Variants in NDUFB2 observed in about 807,000 individuals in gnomAD.
NDUFB2 encodes NADH:ubiquinone oxidoreductase subunit B2.
A neutral mutation model predicts 13.4 loss-of-function variants in NDUFB2; 13 were observed. That is an observed-to-expected ratio of 0.97 (90% CI 0.63 to 1.54). The LOEUF (loss-of-function observed/expected upper bound fraction) is 1.54. Among genes scored for constraint, NDUFB2 ranks in the 40% most tolerant of loss-of-function variants. NDUFB2 has a pLI of 0.00. For missense variants in NDUFB2, 150 were observed against 139.7 expected, an observed-to-expected ratio of 1.07 and a Z score of -0.37; for synonymous variants, 47 against 50.6, an observed-to-expected ratio of 0.93 and a Z score of 0.30.
intron 3 of NDUFB2, 27 bp downstream of exon 3, chr7:140,704,990 T>C: frequency 2.4e-6 from 3 of 1,258,772 alleles, no homozygotes; most frequent in South Asian, 1.6e-5. Flanking sequence ...TTTCTTTATG[T>C]CATATTTACC....
At position 140,702,990 on chromosome 7, in the gene NDUFB2, C is replaced by T; in HGVS notation, c.223C>T (p.His75Tyr). 6.2e-7 allele frequency: 1 copy of T among 1,613,700 alleles called. No homozygotes were observed. The highest frequency in any genetic ancestry group is 8.5e-7 in the Non-Finnish European group (1 of 1,179,946). Residue 75 changes from histidine (H) to tyrosine (Y), a missense_variant, in exon 2 of 4, where the codon CAT (histidine) becomes TAT (tyrosine). Transcript: ENST00000247866. ...MWFWILWRFW[H>Y]DSEEVLGHFP... ...GTTCTGGATTCTCTGGCGCTTTTGG[C>T]ATGACTCAGAAGAGGTGCTGGTAAG...
intron 1 of NDUFB2, chr7:140,697,353 C>A: frequency 1.4e-6 from 1 of 702,872 alleles, no homozygotes; most frequent in Non-Finnish European, 2.6e-6. Flanking sequence ...ACTCTGGCTG[C>A]AGGGAGTGGA....
intron 3 of NDUFB2, chr7:140,706,060 TTTATGTTATGTTATG>T (rs71522109): frequency 1.6e-4 from 20 of 125,120 alleles, no homozygotes; most frequent in East Asian, 8.7e-4. Flanking sequence ...TATGTTATGT[TTTATGTTATGTTATG>T]TTATGTTATG....
Position 140,706,018 on chromosome 7 carries a change from A to AG in NDUFB2, c.*30-545_*30-544insG, listed in dbSNP as rs1443879134. On this transcript the variant is annotated intron_variant, in intron 3 of 3. Transcript: ENST00000247866. ...TTTATTTTATATTTTATTTTATTTT[A>AG]TTTTATTTTAGTTTGTTATGTTATG... The AG allele has an allele frequency of 5.6e-3, 767 of 135,994 alleles. 7 individuals are homozygous for AG. The highest frequency in any genetic ancestry group is 0.026 in the African/African-American group (732 of 28,504). The allele number at this position is 135,994 out of a possible 1,614,324, so 8.4% of individuals were successfully genotyped here.
intron 1 of NDUFB2, chr7:140,702,057 A>G (rs1278067863): frequency 2.8e-6 from 2 of 702,464 alleles, no homozygotes; most frequent in Non-Finnish European, 5.2e-6. Flanking sequence ...TCCTACAGGT[A>G]CGAATTTCTG....
chr7:140,697,901 C>A (rs1183216508), intron 1 of NDUFB2, among the ~76,000 whole-genome samples: 3 of 152,106 alleles, frequency 2.0e-5, no homozygotes, highest in African/African-American at 7.2e-5. Context: ...GTGGCGCGAT[C>A]CTAGCTCACT....
chr7:140,699,630 G>A (rs1317464054), intron 1 of NDUFB2, among the ~76,000 whole-genome samples: 3 of 151,898 alleles, frequency 2.0e-5, no homozygotes, highest in Non-Finnish European at 4.4e-5. Context: ...TGGGCCCCAG[G>A]CTGCGTCTCT....
At chr7:140,701,992 C>G in intron 1 of NDUFB2, 1 of 697,682 alleles carries the variant, frequency 1.4e-6, no homozygotes, top group East Asian at 2.7e-5. Flanking sequence ...AACCACTGCC[C>G]TGTTACTGTT....
At chr7:140,698,443 C>T (rs1794850225) in intron 1 of NDUFB2, among the ~76,000 whole-genome samples, 1 of 152,108 alleles carries the variant, frequency 6.6e-6, no homozygotes, top group African/African-American at 2.4e-5. Context: ...AAAAGAAAGA[C>T]CTTTTTTGAG....
intron 1 of NDUFB2, chr7:140,702,489 G>A (rs1216774060): frequency 8.5e-6 from 2 of 236,586 alleles, no homozygotes; most frequent in Non-Finnish European, 1.6e-5. Context: ...GCCTCAAATA[G>A]ATAGCTAAAC....
chr7:140,697,715 A>T (rs1046117538), intron 1 of NDUFB2, among the ~76,000 whole-genome samples: 5 of 152,092 alleles, frequency 3.3e-5, no homozygotes, highest in African/African-American at 1.2e-4. Context: ...TTCAAATCCC[A>T]CCTCTGCCAC....
chr7:140,697,217 C>T (rs1794823299), intron 1 of NDUFB2: 4 of 651,464 alleles, frequency 6.1e-6, no homozygotes, highest in South Asian at 1.7e-5. Context: ...CGGGGGGCGG[C>T]GGCGGTGAGG....
At chr7:140,703,966 A>G (rs1193427849) in intron 2 of NDUFB2, among the ~76,000 whole-genome samples, 2 of 151,946 alleles carry the variant, frequency 1.3e-5, no homozygotes, top group Admixed American at 1.3e-4. Flanking sequence ...CGTGTTAGCC[A>G]GGATGGTCTC....
At chr7:140,697,339 A>G in intron 1 of NDUFB2, 1 of 702,850 alleles carries the variant, frequency 1.4e-6, no homozygotes, top group South Asian at 1.5e-5. Flanking sequence ...AATGCTGAAA[A>G]ATCACTCTGG....
chr7:140,702,309 CACA>C lies in NDUFB2; in HGVS notation c.99-554_99-552del, dbSNP rs1235343630. On this transcript the variant is annotated intron_variant, in intron 1 of 3. Coordinates refer to ENST00000247866, the MANE Select transcript of NDUFB2 (RefSeq NM_004546.3). Reference sequence around the variant, plus strand: ...ACTATAACTCTTATGGACTCTGTGCCACAACTTGTCAAGTGTCTGAATGAAAAG... The same window carrying C: ...ACTATAACTCTTATGGACTCTGTGCCACTTGTCAAGTGTCTGAATGAAAAG... 3.3e-5 allele frequency among the ~76,000 whole-genome samples: 5 copies of C among 152,206 alleles called. No homozygotes were observed. The East Asian group carries it at 9.6e-4, about 29-fold the overall frequency.
At chr7:140,702,212 A>C (rs1227466277) in intron 1 of NDUFB2, among the ~76,000 whole-genome samples, 6 of 152,184 alleles carry the variant, frequency 3.9e-5, no homozygotes, top group African/African-American at 1.4e-4. Flanking sequence ...GGTTTTAGGA[A>C]TAGCCCCAGT....
At chr7:140,705,222 C>T (rs1010488669) in intron 3 of NDUFB2, 1 of 231,066 alleles carries the variant, frequency 4.3e-6, no homozygotes, top group African/African-American at 2.3e-5. Flanking sequence ...TCCTCAGCCT[C>T]CTGAGTAGCT....
At position 140,696,916 on chromosome 7, in the gene NDUFB2, T is replaced by G. The variant is rs1334589693; in HGVS notation, c.98+74T>G. On this transcript the variant is annotated intron_variant, in intron 1 of 3. Transcript: ENST00000247866. ...CGCGGGTCCCTGGGACGCTCTCACC[T>G]TGACTGGGGCGCCTGAAGAGGCCGC... 2.2e-5 allele frequency: 31 copies of G among 1,389,174 alleles called. No individual in the cohort carries two copies. The highest frequency in any genetic ancestry group is 2.0e-4 in the Middle Eastern group (1 of 5,070). The allele number at this position is 1,389,174 out of a possible 1,614,324, so 86.1% of individuals were successfully genotyped here. A position where few individuals can be genotyped will look rare whatever the true frequency, so the allele number is the denominator to read the frequency against.
At chr7:140,701,519 G>A (rs1047559645) in intron 1 of NDUFB2, among the ~76,000 whole-genome samples, 5 of 151,992 alleles carry the variant, frequency 3.3e-5, no homozygotes, top group African/African-American at 1.2e-4. Flanking sequence ...AGCTACTTGG[G>A]AGGGAGGCTG....
Sources: gnomAD v4.1 joint callset for allele counts (sites outside exome capture counted in the v4.1 genomes callset) on GRCh38, gnomAD v4.1.1 for gene constraint, MANE v1.5 for transcripts, NCBI Gene and HGNC (gene_info 2026-07-23, HGNC 2026-07-21) for gene names.